The following SMIM10L3 variants were observed in gnomAD, a reference collection of about 807,000 sequenced individuals.
SMIM10L3 encodes salivary gland specific protein SAGSIN1.
chr7:6,346,497 G>T, the SMIM10L3 span, among the ~76,000 whole-genome samples: 1 of 152,098 alleles, frequency 6.6e-6, no homozygotes, highest in African/African-American at 2.4e-5. Context: ...CCCACAAGCA[G>T]CTGGGACTAC....
the SMIM10L3 span, among the ~76,000 whole-genome samples, chr7:6,340,589 G>A: frequency 6.6e-6 from 1 of 151,994 alleles, no homozygotes; most frequent in African/African-American, 2.4e-5. Context: ...CTCGAAGGAG[G>A]GCAGGTTGAC....
chr7:6,346,146 G>T, the SMIM10L3 span, among the ~76,000 whole-genome samples: 1 of 151,924 alleles, frequency 6.6e-6, no homozygotes, highest in African/African-American at 2.4e-5. Flanking sequence ...GACTAGATAC[G>T]GCAAATACTG....
At chr7:6,334,685 C>G in the SMIM10L3 span, among the ~76,000 whole-genome samples, 2 of 151,900 alleles carry the variant, frequency 1.3e-5, no homozygotes, top group African/African-American at 4.8e-5. Flanking sequence ...AGGCTGGTCT[C>G]AAACTCCTGA....
At chr7:6,348,486 C>T in the SMIM10L3 span, 1 of 409,638 alleles carries the variant, frequency 2.4e-6, no homozygotes, top group Non-Finnish European at 4.3e-6. Context: ...AGCTTCTAGG[C>T]AGTGGCAGCT....
the SMIM10L3 span, among the ~76,000 whole-genome samples, chr7:6,340,369 C>T: frequency 0.027 from 4,090 of 152,174 alleles, 207 homozygotes; most frequent in African/African-American, 0.093. Flanking sequence ...AGGGTTGGTG[C>T]GGTGGAGGAC....
chr7:6,341,170 C>T, the SMIM10L3 span, among the ~76,000 whole-genome samples: 4 of 146,750 alleles, frequency 2.7e-5, no homozygotes, highest in Non-Finnish European at 6.0e-5. Flanking sequence ...GCTGGCCAGG[C>T]ACAGTGGCTC....
chr7:6,346,377 T>G, the SMIM10L3 span, among the ~76,000 whole-genome samples: 2 of 151,922 alleles, frequency 1.3e-5, no homozygotes, highest in African/African-American at 2.4e-5. Context: ...CTCAACTCAT[T>G]TACTTACTTG....
At chr7:6,330,981 A>G in the SMIM10L3 span, 1 of 1,614,220 alleles carries the variant, frequency 6.2e-7, no homozygotes, top group African/African-American at 1.3e-5. Flanking sequence ...ATAATGCCTC[A>G]CTTTGTGAAT....
At chr7:6,344,624 G>T in the SMIM10L3 span, among the ~76,000 whole-genome samples, 1 of 152,074 alleles carries the variant, frequency 6.6e-6, no homozygotes, top group East Asian at 1.9e-4. Context: ...TCGCCCTGTT[G>T]CCCAGGCTGG....
chr7:6,347,606 T>C, the SMIM10L3 span, among the ~76,000 whole-genome samples: 21 of 152,172 alleles, frequency 1.4e-4, no homozygotes, highest in Middle Eastern at 3.4e-3. Flanking sequence ...AGCTGAATGG[T>C]TCCAGGCCTC....
the SMIM10L3 span, chr7:6,330,244 A>T: frequency 1.1e-6 from 1 of 883,360 alleles, no homozygotes; most frequent in Non-Finnish European, 1.7e-6. Context: ...AATTTACTTT[A>T]AGTCTGCCAG....
the SMIM10L3 span, chr7:6,338,701 C>G: frequency 6.6e-6 from 1 of 152,430 alleles, no homozygotes; most frequent in Non-Finnish European, 1.5e-5. Flanking sequence ...AATGGCCTGA[C>G]CTACTTAGCT....
the SMIM10L3 span, among the ~76,000 whole-genome samples, chr7:6,343,355 C>A: frequency 7.2e-6 from 1 of 139,482 alleles, no homozygotes; most frequent in Non-Finnish European, 1.5e-5. Flanking sequence ...CCAGCCTGAG[C>A]CACAAGAGTG....
the SMIM10L3 span, among the ~76,000 whole-genome samples, chr7:6,334,305 C>G: frequency 6.6e-6 from 1 of 151,236 alleles, no homozygotes; most frequent in African/African-American, 2.4e-5. Context: ...GGAGGCCTAG[C>G]TGGGTGGATC....
the SMIM10L3 span, among the ~76,000 whole-genome samples, chr7:6,338,150 C>G: frequency 6.6e-6 from 1 of 152,160 alleles, no homozygotes; most frequent in Middle Eastern, 3.2e-3. Flanking sequence ...GCTCACAGCC[C>G]TCAACTAACC....
At chr7:6,330,692 G>C in the SMIM10L3 span, 2 of 1,614,136 alleles carry the variant, frequency 1.2e-6, no homozygotes, top group Non-Finnish European at 1.7e-6. Flanking sequence ...TGGCGTGGCA[G>C]TCGTGACACC....
chr7:6,330,775 C>G, the SMIM10L3 span: 1 of 1,613,790 alleles, frequency 6.2e-7, no homozygotes, highest in Non-Finnish European at 8.5e-7. Context: ...CCAGTCTCGC[C>G]GCCCCAGAGC....
chr7:6,342,300 T>A, the SMIM10L3 span, among the ~76,000 whole-genome samples: 1 of 152,008 alleles, frequency 6.6e-6, no homozygotes, highest in Non-Finnish European at 1.5e-5. Context: ...ATCCCAGCAC[T>A]CTGGGAGGCC....
the SMIM10L3 span, among the ~76,000 whole-genome samples, chr7:6,347,864 G>A: frequency 1.4e-5 from 2 of 146,330 alleles, no homozygotes; most frequent in Non-Finnish European, 3.0e-5. Flanking sequence ...GACCAGCCTG[G>A]GCAACATAAC....
Sources: gnomAD v4.1 joint callset for allele counts (sites outside exome capture counted in the v4.1 genomes callset) on GRCh38, gnomAD v4.1.1 for gene constraint, MANE v1.5 for transcripts, NCBI Gene and HGNC (gene_info 2026-07-23, HGNC 2026-07-21) for gene names.